The following TMEM132E variants were observed in gnomAD, a reference collection of about 807,000 sequenced individuals.
The protein encoded by TMEM132E is transmembrane protein 132E.
In TMEM132E, 49 loss-of-function variants were observed where a neutral mutation model predicts 78.5. That is an observed-to-expected ratio of 0.62 (90% CI 0.50 to 0.79). The LOEUF is 0.79. Among genes scored for constraint, TMEM132E ranks in the 30% least tolerant of loss-of-function variants. The probability of loss-of-function intolerance (pLI) is 0.00; values close to 1 mark genes in which losing one functional copy is unlikely to be tolerated. For missense variants in TMEM132E, 1,403 were observed against 1,470.9 expected (o/e 0.95, Z 0.75); for synonymous variants, 715 against 670.6 (o/e 1.07, Z -1.02).
At chr17:34,585,358 C>CT (rs562902584) in intron 1 of TMEM132E, among the ~76,000 whole-genome samples, 27 of 152,330 alleles carry the variant, frequency 1.8e-4, no homozygotes, top group Admixed American at 1.6e-3. Flanking sequence ...GTAGTGAGTG[C>CT]TGGCGATGCT....
chr17:34,610,601 G>A (rs1906557234), intron 1 of TMEM132E, among the ~76,000 whole-genome samples: 1 of 152,252 alleles, frequency 6.6e-6, no homozygotes, highest in Non-Finnish European at 1.5e-5. Flanking sequence ...CTGGTGGGCT[G>A]AGGGAGGTCC....
intron 7 of TMEM132E, 119 bp downstream of exon 7, chr17:34,635,206 C>T: frequency 8.4e-7 from 1 of 1,186,932 alleles, no homozygotes; most frequent in East Asian, 2.6e-5. Context: ...TCCCTGCCTG[C>T]CCCTTGTCTG....
In TMEM132E at chr17:34,626,756, T is replaced by C; in HGVS notation, c.697T>C (p.Tyr233His). The C allele has an allele frequency of 7.0e-7, 1 of 1,429,802 alleles. No homozygotes were observed. Among genetic ancestry groups the C allele is most frequent in the Non-Finnish European group, 9.3e-7 (1 of 1,074,532 alleles). The allele number at this position is 1,429,802 out of a possible 1,614,324, so 88.6% of individuals were successfully genotyped here. A position where few individuals can be genotyped will look rare whatever the true frequency, so the allele number is the denominator to read the frequency against. The part of the protein sequence containing the change: ...ATGESQQAEL[Y>H]YTLHAPDASG... Reference sequence around the variant, plus strand: ...GGGGGAGAGCCAGCAGGCCGAGCTCTACTACACGCTCCACGCCCCTGATGC... The same window carrying C: ...GGGGGAGAGCCAGCAGGCCGAGCTCCACTACACGCTCCACGCCCCTGATGC... Residue 233 changes from tyrosine (Y) to histidine (H), a missense_variant, in exon 2 of 9, where the codon TAC (tyrosine) becomes CAC (histidine). Tyr to His is a moderately conservative substitution (Grantham distance 83). This residue lies in a region of TMEM132E where 511 missense variants were observed against 499.0 expected (regional missense o/e 1.02). Transcript: ENST00000631683.
intron 2 of TMEM132E, among the ~76,000 whole-genome samples, chr17:34,627,590 GAC>G (rs1038516452): frequency 1.3e-5 from 2 of 151,396 alleles, no homozygotes; most frequent in Admixed American, 6.6e-5. Flanking sequence ...CCTTGAAAAG[GAC>G]ACAGTTTGCA....
At chr17:34,632,186 C>A (rs902249295) in intron 5 of TMEM132E, among the ~76,000 whole-genome samples, 2 of 152,226 alleles carry the variant, frequency 1.3e-5, no homozygotes, top group African/African-American at 4.8e-5. Context: ...ACTACCTGCC[C>A]ATTCTCCTGG....
intron 1 of TMEM132E, among the ~76,000 whole-genome samples, chr17:34,614,256 C>A (rs1906705270): frequency 6.6e-6 from 1 of 152,138 alleles, no homozygotes. Context: ...CAACTCCAGA[C>A]CTGCTGACAA....
rs1389523365 is a variant in TMEM132E, at chr17:34,630,197, T to C, written c.1482+46T>C. 3.8e-6 allele frequency: 6 copies of C among 1,584,590 alleles called. No individual in the cohort carries two copies. In the Admixed American group the frequency reaches 1.0e-4, roughly 27 times the overall value. On this transcript the variant is annotated intron_variant, in intron 5 of 8. Transcript: ENST00000631683. ...GCCCCTGGGGAAGAAGCCCTAGGCC[T>C]TCAGGAGAGTAGAACCTCAAACCAG...
At chr17:34,596,346 G>A (rs1906059858) in intron 1 of TMEM132E, among the ~76,000 whole-genome samples, 1 of 152,166 alleles carries the variant, frequency 6.6e-6, no homozygotes, top group Admixed American at 6.5e-5. Flanking sequence ...GGAAACTGAG[G>A]CTTAGAGTAT....
chr17:34,593,730 C>G (rs2142054201), intron 1 of TMEM132E, among the ~76,000 whole-genome samples: 1 of 152,384 alleles, frequency 6.6e-6, no homozygotes, highest in Middle Eastern at 3.4e-3. Flanking sequence ...GCCACTTTCC[C>G]TTCTGCTCTG....
intron 1 of TMEM132E, among the ~76,000 whole-genome samples, chr17:34,622,217 A>T (rs1268906944): frequency 6.6e-6 from 1 of 152,208 alleles, no homozygotes; most frequent in Non-Finnish European, 1.5e-5. Context: ...TAGCCACACC[A>T]GAACGCTTCC....
intron 1 of TMEM132E, among the ~76,000 whole-genome samples, chr17:34,618,469 C>T (rs1364760808): frequency 2.0e-5 from 3 of 151,068 alleles, no homozygotes; most frequent in South Asian, 4.2e-4. Context: ...TGGTCTCAAG[C>T]GATCCTCCCT....
intron 1 of TMEM132E, among the ~76,000 whole-genome samples, chr17:34,607,753 CTT>C (rs113434207): frequency 2.1e-5 from 3 of 145,660 alleles, no homozygotes; most frequent in African/African-American, 7.5e-5. Flanking sequence ...TCAGGAAAAT[CTT>C]TTTTTTTTTT....
intron 5 of TMEM132E, among the ~76,000 whole-genome samples, chr17:34,632,471 C>G (rs1325405003): frequency 6.6e-6 from 1 of 152,228 alleles, no homozygotes; most frequent in African/African-American, 2.4e-5. Context: ...TGGCTCCTTA[C>G]TAAGGAACAA....
At chr17:34,590,085 C>T (rs555943938) in intron 1 of TMEM132E, among the ~76,000 whole-genome samples, 1 of 152,314 alleles carries the variant, frequency 6.6e-6, no homozygotes, top group African/African-American at 2.4e-5. Flanking sequence ...GGCTGGGCTC[C>T]ATCCTGGGGC....
intron 1 of TMEM132E, among the ~76,000 whole-genome samples, chr17:34,596,141 A>C (rs1906052663): frequency 6.6e-6 from 1 of 152,078 alleles, no homozygotes; most frequent in Non-Finnish European, 1.5e-5. Flanking sequence ...TTTAGAAGAG[A>C]GATTTCCCCT....
chr17:34,621,020 G>A, intron 1 of TMEM132E, among the ~76,000 whole-genome samples: 1 of 152,224 alleles, frequency 6.6e-6, no homozygotes, highest in African/African-American at 2.4e-5. Flanking sequence ...GGGTCGGGGA[G>A]GCTGGGGAGA....
intron 1 of TMEM132E, among the ~76,000 whole-genome samples, chr17:34,589,371 G>A (rs1905783635): frequency 6.6e-6 from 1 of 152,160 alleles, no homozygotes; most frequent in South Asian, 2.1e-4. Context: ...GCAGGCTGAG[G>A]GAAATAGGGA....
At chr17:34,603,344 G>C (rs1906303046) in intron 1 of TMEM132E, among the ~76,000 whole-genome samples, 2 of 152,082 alleles carry the variant, frequency 1.3e-5, no homozygotes, top group African/African-American at 4.8e-5. Flanking sequence ...CTGAGGGAAG[G>C]GCTGGCTCAA....
At position 34,588,727 on chromosome 17, in the gene TMEM132E, G is replaced by A. The variant is rs531744503; in HGVS notation, c.67+7584G>A. 5.3e-4 allele frequency among the ~76,000 whole-genome samples: 80 copies of A among 152,222 alleles called. 1 individual carries two copies. The highest frequency in any genetic ancestry group is 1.8e-3 in the African/African-American group (75 of 41,548). ...TGAATTATATATGTTCAAAGGCAAC[G>A]AGTGGTTTTTGTTGTTTTGCTGTTG... On this transcript the variant is annotated intron_variant, in intron 1 of 8. Coordinates refer to ENST00000631683, the MANE Select transcript of TMEM132E (RefSeq NM_001304438.2).
Sources: allele counts gnomAD v4.1 joint callset (sites outside exome capture counted in the v4.1 genomes callset), GRCh38; gene constraint gnomAD v4.1.1; regional missense constraint gnomAD v4.1.1; transcripts MANE v1.5; gene names NCBI Gene and HGNC (gene_info 2026-07-23, HGNC 2026-07-21).